RAB6A: variants seen among roughly 807,000 people sequenced by gnomAD.
RAB6A encodes the protein ras-related protein Rab-6A.
In RAB6A, 8 loss-of-function variants were observed where a neutral mutation model predicts 32.3. That is an observed-to-expected ratio of 0.25 (90% CI 0.15 to 0.45). The LOEUF (loss-of-function observed/expected upper bound fraction) is 0.45, where lower values mean the gene tolerates loss of function less well. RAB6A is among the 20% of genes least tolerant of loss of function. The pLI, the probability that RAB6A is intolerant of heterozygous loss-of-function variation, is 1.00. For synonymous variants in RAB6A, 73 were observed against 82.1 expected, an observed-to-expected ratio of 0.89 and a Z score of 0.60; for missense variants, 104 against 249.4, an observed-to-expected ratio of 0.42 and a Z score of 3.93.
At chr11:73,695,051 A>C (rs1945635713) in intron 6 of RAB6A, among the ~76,000 whole-genome samples, 1 of 152,020 alleles carries the variant, frequency 6.6e-6, no homozygotes, top group Non-Finnish European at 1.5e-5. Flanking sequence ...AAATATATCC[A>C]AATTTTTTTA....
chr11:73,737,434 G>A (rs1027849984), intron 1 of RAB6A, among the ~76,000 whole-genome samples: 2 of 152,076 alleles, frequency 1.3e-5, no homozygotes, highest in African/African-American at 4.8e-5. Context: ...AGTGAGCTAT[G>A]ATCACACCAC....
chr11:73,710,082 C>T (rs1267288296), intron 5 of RAB6A, among the ~76,000 whole-genome samples: 1 of 149,292 alleles, frequency 6.7e-6, no homozygotes, highest in Non-Finnish European at 1.5e-5. Context: ...CCTCAACCTC[C>T]GGAGTAGCTG....
chr11:73,727,089 AC>A (rs1410574116), intron 2 of RAB6A, among the ~76,000 whole-genome samples: 6 of 152,208 alleles, frequency 3.9e-5, no homozygotes, highest in Admixed American at 6.5e-5. Context: ...AAGAAATAAA[AC>A]AATCAATGTT....
At chr11:73,703,772 A>G (rs1945786409) in intron 6 of RAB6A, among the ~76,000 whole-genome samples, 1 of 149,012 alleles carries the variant, frequency 6.7e-6, no homozygotes, top group Non-Finnish European at 1.5e-5. Context: ...AAACAATCTA[A>G]ATTAAAAGTA....
intron 6 of RAB6A, among the ~76,000 whole-genome samples, chr11:73,684,069 CA>C (rs1945401367): frequency 1.3e-5 from 2 of 152,074 alleles, no homozygotes. Context: ...CAAGACCTTC[CA>C]ACAGCAAAAA....
Position 73,715,809 on chromosome 11 carries a change from C to A in RAB6A, c.401+442G>T, listed in dbSNP as rs116029517. 5.5e-3 allele frequency among the ~76,000 whole-genome samples: 830 copies of A among 152,104 alleles called. 9 individuals carry two copies. The highest frequency in any genetic ancestry group is 0.018 in the African/African-American group (757 of 41,538). ...TCTGGCTCAGCCACACAATTAAAAA[C>A]CAACAACCAAAAAACAAAAATCCAC... On this transcript the variant is annotated intron_variant, in intron 5 of 7. Transcript: ENST00000336083.
chr11:73,750,558 T>C (rs1304351347), intron 1 of RAB6A, among the ~76,000 whole-genome samples: 1 of 152,128 alleles, frequency 6.6e-6, no homozygotes, highest in Admixed American at 6.6e-5. Flanking sequence ...GGTTTCTCCA[T>C]GTTGGCCAAG....
At chr11:73,734,684 TATGAGAATCTAATGCCAGCACTG>T (rs1946366931) in intron 1 of RAB6A, among the ~76,000 whole-genome samples, 2 of 152,132 alleles carry the variant, frequency 1.3e-5, no homozygotes, top group African/African-American at 4.8e-5. Flanking sequence ...TTCTCGCTCC[TATGAGAATCTAATGCCAGCACTG>T]ATCTGACAGG....
At chr11:73,749,405 T>A (rs1421132139) in intron 1 of RAB6A, among the ~76,000 whole-genome samples, 1 of 151,852 alleles carries the variant, frequency 6.6e-6, no homozygotes, top group Admixed American at 6.6e-5. Context: ...CTGGGTAGAG[T>A]GTACACTGCT....
intron 1 of RAB6A, chr11:73,759,964 A>T: frequency 1.6e-6 from 2 of 1,214,848 alleles, no homozygotes; most frequent in South Asian, 2.5e-5. Context: ...GTCGTCTCCA[A>T]TTCAGATGTT....
intron 1 of RAB6A, among the ~76,000 whole-genome samples, chr11:73,734,857 A>C (rs963666139): frequency 8.5e-5 from 13 of 152,198 alleles, no homozygotes; most frequent in Non-Finnish European, 1.8e-4. Flanking sequence ...CTACAAGTTG[A>C]GTATCTCTTA....
At chr11:73,695,379 G>GTTT (rs71469463) in intron 6 of RAB6A, among the ~76,000 whole-genome samples, 5 of 147,176 alleles carry the variant, frequency 3.4e-5, no homozygotes, top group Non-Finnish European at 4.5e-5. Context: ...CAGTTTTTTT[G>GTTT]TTTTTTTTTT....
chr11:73,678,724 TG>T (rs1220765060), intron 7 of RAB6A, among the ~76,000 whole-genome samples: 8 of 125,332 alleles, frequency 6.4e-5, no homozygotes, highest in African/African-American at 1.7e-4. Flanking sequence ...GTTGTTGTTG[TG>T]TTTTTTTTTT....
chr11:73,706,470 CG>C (rs1565356022), intron 6 of RAB6A, among the ~76,000 whole-genome samples: 2 of 151,044 alleles, frequency 1.3e-5, no homozygotes, highest in Non-Finnish European at 2.9e-5. Flanking sequence ...GCCGAGATCG[CG>C]CCACTGCACT....
intron 6 of RAB6A, among the ~76,000 whole-genome samples, chr11:73,681,232 C>T (rs545262748): frequency 2.6e-5 from 4 of 152,220 alleles, no homozygotes; most frequent in South Asian, 4.1e-4. Context: ...AAAGGAGATA[C>T]TCAAACAATT....
chr11:73,720,775 A>C, intron 3 of RAB6A, 71 bp downstream of exon 3: 1 of 1,184,734 alleles, frequency 8.4e-7, no homozygotes, highest in Non-Finnish European at 1.2e-6. Flanking sequence ...GGTGACAATC[A>C]TTGATAACTT....
intron 5 of RAB6A, among the ~76,000 whole-genome samples, chr11:73,710,132 GTGTTTTTT>G (rs1945928062): frequency 3.2e-5 from 1 of 31,230 alleles, no homozygotes; most frequent in African/African-American, 7.0e-5. Context: ...CTAATTTTTT[GTGTTTTTT>G]TTTTTTTAGC....
chr11:73,731,746 A>G (rs1946316130), intron 1 of RAB6A, among the ~76,000 whole-genome samples: 1 of 89,076 alleles, frequency 1.1e-5, no homozygotes, highest in Non-Finnish European at 2.2e-5. Flanking sequence ...ACACACACAC[A>G]TATTTTCTTT....
chr11:73,719,395 G>A (rs905756852), intron 3 of RAB6A, among the ~76,000 whole-genome samples: 7 of 152,106 alleles, frequency 4.6e-5, no homozygotes, highest in East Asian at 1.9e-4. Flanking sequence ...TTTAACTACC[G>A]TGCTTGTATT....
Sources: gnomAD v4.1 joint callset for allele counts (sites outside exome capture counted in the v4.1 genomes callset) on GRCh38, gnomAD v4.1.1 for gene constraint, MANE v1.5 for transcripts, NCBI Gene and HGNC (gene_info 2026-07-23, HGNC 2026-07-21) for gene names.